The following SHOC1 variants were observed in gnomAD, a reference collection of about 807,000 sequenced individuals.
SHOC1 encodes the protein shortage in chiasmata 1, also known as protein shortage in chiasmata 1 ortholog.
SHOC1 carries 136 observed loss-of-function variants against 179.2 expected under a neutral mutation model. The observed-to-expected ratio is 0.76, with a 90% CI of 0.66 to 0.87. The LOEUF is 0.87. SHOC1 is among the 40% of genes least tolerant of loss of function. The pLI, the probability that SHOC1 is intolerant of heterozygous loss-of-function variation, is 0.00. For synonymous variants in SHOC1, 489 were observed against 586.6 expected (o/e 0.83, Z 2.41); for missense variants, 1,538 against 1,700.8 (o/e 0.90, Z 1.68).
At chr9:111,734,197 C>T (rs1833720093) in intron 12 of SHOC1, among the ~76,000 whole-genome samples, 1 of 151,214 alleles carries the variant, frequency 6.6e-6, no homozygotes. Flanking sequence ...AAACGTATTG[C>T]TATCATTTTC....
intron 5 of SHOC1, among the ~76,000 whole-genome samples, chr9:111,761,978 C>T (rs913886941): frequency 2.0e-5 from 3 of 152,044 alleles, no homozygotes; most frequent in African/African-American, 7.2e-5. Context: ...GCTAAAAAAG[C>T]ACTTATACTA....
rs566966796 is a variant in SHOC1, at chr9:111,780,904, A to G, written c.257+26T>C. The G allele has an allele frequency of 2.5e-5, 38 of 1,545,588 alleles. No homozygotes were observed. In the East Asian group the frequency reaches 8.5e-4, roughly 35 times the overall value. On this transcript the variant is annotated intron_variant, in intron 4 of 27. Coordinates refer to ENST00000682961, the MANE Select transcript of SHOC1 (RefSeq NM_001378211.1). ...GTTTATCTTCTACTAGATGTAAAAG[A>G]GAAATTTGAGATTAAGGATACATAC...
intron 2 of SHOC1, among the ~76,000 whole-genome samples, chr9:111,788,770 A>G (rs1836350879): frequency 6.6e-6 from 1 of 152,222 alleles, no homozygotes; most frequent in African/African-American, 2.4e-5. Context: ...TTTTAAAAAT[A>G]TATCTAATAA....
chr9:111,743,743 T>A (rs1834142634), intron 10 of SHOC1, among the ~76,000 whole-genome samples: 1 of 152,144 alleles, frequency 6.6e-6, no homozygotes, highest in Non-Finnish European at 1.5e-5. Context: ...GAAAAAACAG[T>A]ATATATAGGG....
chr9:111,692,575 A>C, intron 26 of SHOC1, 64 bp from the exon 27 acceptor site: 1 of 1,279,654 alleles, frequency 7.8e-7, no homozygotes, highest in Non-Finnish European at 1.1e-6. Context: ...ATGCTTATCT[A>C]TATGGAAAGA....
At chr9:111,687,060 C>T (rs534995408) in intron 27 of SHOC1, among the ~76,000 whole-genome samples, 190 bp from the exon 28 acceptor site, 2 of 151,780 alleles carry the variant, frequency 1.3e-5, no homozygotes, top group East Asian at 3.9e-4. Context: ...GATTCTCCTG[C>T]CTCAGCCTCC....
At chr9:111,734,631 C>T (rs967344325) in intron 12 of SHOC1, among the ~76,000 whole-genome samples, 5 of 152,082 alleles carry the variant, frequency 3.3e-5, no homozygotes, top group East Asian at 1.9e-4. Context: ...TACCGTTGAA[C>T]CTGGAATTTG....
intron 12 of SHOC1, among the ~76,000 whole-genome samples, chr9:111,731,613 C>G (rs147782643): frequency 2.4e-4 from 37 of 152,110 alleles, no homozygotes; most frequent in African/African-American, 8.9e-4. Context: ...AAATTAAAAT[C>G]AAGGTAACTG....
At chr9:111,707,682 A>C (rs894533856) in intron 19 of SHOC1, among the ~76,000 whole-genome samples, 173 bp downstream of exon 19, 1 of 152,158 alleles carries the variant, frequency 6.6e-6, no homozygotes, top group African/African-American at 2.4e-5. Context: ...TATAATACAC[A>C]GGACAATGAT....
At chr9:111,783,425 T>C (rs946223423) in intron 3 of SHOC1, 1 of 152,254 alleles carries the variant, frequency 6.6e-6, no homozygotes, top group African/African-American at 2.4e-5. Context: ...TATCCTCACA[T>C]AACTTGAGCT....
chr9:111,777,878 A>T (rs1835892681), intron 4 of SHOC1, among the ~76,000 whole-genome samples: 1 of 152,224 alleles, frequency 6.6e-6, no homozygotes. Flanking sequence ...TTTAGAATTT[A>T]TCCTTTACTC....
Position 111,691,971 on chromosome 9 carries a change from CT to C in SHOC1, c.4005del (p.Gly1336ValfsTer3). ...NSQKRRTHEA[K>X]GFINKDVSDP... ...TCCGATACATCTTTATTTATGAAAC[CT>C]TTTGCTTCATGTGTTCTCCTTTTCT... On this transcript the variant is annotated frameshift_variant, in exon 27 of 28. Coordinates refer to ENST00000682961, the MANE Select transcript of SHOC1 (RefSeq NM_001378211.1). LOFTEE classifies it high-confidence loss of function. The C allele has an allele frequency of 6.2e-7, 1 of 1,613,456 alleles. No individual in the cohort carries two copies.
At position 111,738,471 on chromosome 9, in the gene SHOC1, T is replaced by G. The variant is rs1833904063; in HGVS notation, c.1226A>C (p.Lys409Thr). Residue 409 changes from lysine (K) to threonine (T), a missense_variant, in exon 12 of 28, where the codon AAG (lysine) becomes ACG (threonine). Transcript: ENST00000682961. ...GCTTTCTTCTTTAACAGAAAATATC[T>G]TTTTCAAATCTGTAACTGAATATTG... is the stretch of plus-strand genomic sequence containing the variant. ...HSQYSVTDLK[K>T]IFSVKEESLV... is the part of the protein sequence containing the mutation. 1 of 1,602,774 alleles carries G rather than the reference T, an allele frequency of 6.2e-7. No individual in the cohort carries two copies. The highest frequency in any genetic ancestry group is 8.5e-7 in the Non-Finnish European group (1 of 1,176,852).
intron 8 of SHOC1, among the ~76,000 whole-genome samples, chr9:111,754,166 G>A (rs978501470): frequency 2.6e-5 from 4 of 152,034 alleles, no homozygotes; most frequent in African/African-American, 9.7e-5. Context: ...GTACAATTTT[G>A]TCACAAAAAC....
At chr9:111,708,192 A>C (rs1476701758) in intron 18 of SHOC1, among the ~76,000 whole-genome samples, 1 of 149,558 alleles carries the variant, frequency 6.7e-6, no homozygotes, top group African/African-American at 2.5e-5. Flanking sequence ...ATTTTTGTTA[A>C]TTTTTATTTT....
chr9:111,692,706 C>T (rs1233330701), intron 26 of SHOC1, among the ~76,000 whole-genome samples, 195 bp from the exon 27 acceptor site: 2 of 152,066 alleles, frequency 1.3e-5, no homozygotes, highest in Non-Finnish European at 2.9e-5. Flanking sequence ...ATTTTCTAAT[C>T]ACTTGTAATA....
intron 7 of SHOC1, 48 bp downstream of exon 7, chr9:111,758,036 G>A (rs1028010352): frequency 2.1e-6 from 2 of 933,404 alleles, no homozygotes; most frequent in Non-Finnish European, 3.2e-6. Flanking sequence ...TTACAAAAAT[G>A]TGCCTCACTA....
At chr9:111,775,717 C>T in intron 5 of SHOC1, 74 bp downstream of exon 5, 12 of 1,341,366 alleles carry the variant, frequency 8.9e-6, no homozygotes, top group Non-Finnish European at 1.2e-5. Flanking sequence ...TCAACTCAAA[C>T]AAAAAACTCA....
chr9:111,719,597 C>T (rs1302899161), intron 15 of SHOC1, among the ~76,000 whole-genome samples: 2 of 152,128 alleles, frequency 1.3e-5, no homozygotes, highest in African/African-American at 4.8e-5. Context: ...TTCATAAAGG[C>T]CAGTTTGCTG....
Sources: gnomAD v4.1 joint callset for allele counts (sites outside exome capture counted in the v4.1 genomes callset) on GRCh38, gnomAD v4.1.1 for gene constraint, MANE v1.5 for transcripts, NCBI Gene and HGNC (gene_info 2026-07-23, HGNC 2026-07-21) for gene names.